The following PDE4DIP variants were observed in gnomAD, a reference collection of about 807,000 sequenced individuals.
The protein encoded by PDE4DIP is phosphodiesterase 4D interacting protein.
A neutral mutation model predicts 221.4 loss-of-function variants in PDE4DIP; 59 were observed. That is an observed-to-expected ratio of 0.27 (90% CI 0.22 to 0.33). The LOEUF (loss-of-function observed/expected upper bound fraction) is 0.33, where lower values mean the gene tolerates loss of function less well. Among genes scored for constraint, PDE4DIP ranks in the 10% least tolerant of loss-of-function variants. The pLI, the probability that PDE4DIP is intolerant of heterozygous loss-of-function variation, is 1.00. For synonymous variants in PDE4DIP, 404 were observed against 815.9 expected, an observed-to-expected ratio of 0.50 and a Z score of 8.60; for missense variants, 1,036 against 2,154.2, an observed-to-expected ratio of 0.48 and a Z score of 10.28.
intron 5 of PDE4DIP, among the ~76,000 whole-genome samples, chr1:148,959,691 T>G (rs1258516690): frequency 6.6e-6 from 1 of 152,184 alleles, no homozygotes; most frequent in Non-Finnish European, 1.5e-5. Flanking sequence ...GTTCCATATA[T>G]AAATTGTCCC....
At chr1:149,007,003 G>A (rs1189332325) in intron 27 of PDE4DIP, among the ~76,000 whole-genome samples, 198 bp from the exon 31 acceptor site, 61 of 146,088 alleles carry the variant, frequency 4.2e-4, no homozygotes, top group African/African-American at 1.4e-3. Flanking sequence ...CGCCCGGCCC[G>A]TACTAAGTTT....
intron 1 of PDE4DIP, among the ~76,000 whole-genome samples, chr1:148,927,598 C>A (rs3903871): frequency 2.6e-5 from 4 of 151,102 alleles, no homozygotes; most frequent in Admixed American, 2.6e-4. Context: ...TATTATATGG[C>A]GATAGTAAAG....
chr1:148,968,121 T>G (rs1553520678), intron 13 of PDE4DIP, among the ~76,000 whole-genome samples: 1 of 147,620 alleles, frequency 6.8e-6, no homozygotes, highest in Non-Finnish European at 1.5e-5. Context: ...TGAGAATTAA[T>G]GAGACCCAAA....
At chr1:148,963,855 G>A (rs1222009470) in intron 9 of PDE4DIP, among the ~76,000 whole-genome samples, 1 of 132,002 alleles carries the variant, frequency 7.6e-6, no homozygotes, top group African/African-American at 2.9e-5. Flanking sequence ...TCGGGTTCAC[G>A]CCATTCTCCT....
chr1:148,820,555 CAAAAAAAAAAAA>C (rs148261220), intron 1 of PDE4DIP, among the ~76,000 whole-genome samples: 724 of 39,124 alleles, frequency 0.019, 1 homozygote, highest in African/African-American at 0.064. Flanking sequence ...AACTCCATCT[CAAAAAAAAAAAA>C]AAAAAAAAAA....
chr1:148,866,563 A>G (rs79160977), intron 2 of PDE4DIP: 1 of 21,896 alleles, frequency 4.6e-5, no homozygotes, highest in African/African-American at 2.3e-4. Context: ...GAGGGAGGGA[A>G]GGAAGGAAGG....
intron 1 of PDE4DIP, among the ~76,000 whole-genome samples, chr1:148,862,132 C>G (rs1402701829): frequency 6.9e-6 from 1 of 143,914 alleles, no homozygotes; most frequent in African/African-American, 2.6e-5. Context: ...TTGCAATCCC[C>G]TCTACCTCCT....
chr1:148,983,483 G>A (rs587697034), intron 21 of PDE4DIP: 1 of 152,372 alleles, frequency 6.6e-6, no homozygotes, highest in East Asian at 1.9e-4. Context: ...TAACTTTTTC[G>A]GGTCTAGATA....
At chr1:148,824,266 G>C (rs1432728025) in intron 1 of PDE4DIP, among the ~76,000 whole-genome samples, 1 of 148,780 alleles carries the variant, frequency 6.7e-6, no homozygotes, top group East Asian at 1.9e-4. Flanking sequence ...TCCGTTTTCA[G>C]ACTCACGCAC....
chr1:148,969,086 A>G lies in PDE4DIP; in HGVS notation c.1980+56A>G. The G allele has an allele frequency of 2.2e-6, 3 of 1,344,046 alleles. No homozygotes were observed. The South Asian group carries it at 3.7e-5, about 17-fold the overall frequency. 83.3% of individuals were successfully genotyped at this position (1,344,046 alleles called of 1,614,324 possible). On this transcript the variant is annotated intron_variant, in intron 14 of 43. Transcript: ENST00000369354. ...TCATGTAGTGCATTTATAGTCTGCAAATAGGAAGCATTTGCAGACTATAGA... is the reference window on the plus strand; with the variant it reads ...TCATGTAGTGCATTTATAGTCTGCAGATAGGAAGCATTTGCAGACTATAGA...
At chr1:148,885,899 T>C (rs1419608207), upstream of PDE4DIP, among the ~76,000 whole-genome samples, 1 of 110,884 alleles carries the variant, frequency 9.0e-6, no homozygotes, top group African/African-American at 3.3e-5. Flanking sequence ...GTTATTAATA[T>C]ATATACTATA....
intron 37 of PDE4DIP, among the ~76,000 whole-genome samples, chr1:149,023,897 A>C (rs1163118891): frequency 6.6e-6 from 1 of 151,380 alleles, no homozygotes; most frequent in Non-Finnish European, 1.5e-5. Context: ...CACTATATGT[A>C]GGTGTATATA....
intron 42 of PDE4DIP, 124 bp from the exon 46 acceptor site, chr1:149,030,108 G>T: frequency 7.6e-6 from 7 of 915,660 alleles, no homozygotes; most frequent in Non-Finnish European, 1.2e-5. Flanking sequence ...ACAGGGGGTG[G>T]ATAGAAGGAG....
intron 1 of PDE4DIP, among the ~76,000 whole-genome samples, chr1:148,847,825 A>G (rs2590094): frequency 1.7e-4 from 2 of 11,852 alleles, no homozygotes; most frequent in Non-Finnish European, 2.7e-4. Context: ...CCGAGATCGC[A>G]CCACTGCACT....
rs1553638174 is a variant in PDE4DIP, at chr1:149,031,799, G to A, written c.7000-145G>A. On this transcript the variant is annotated intron_variant, in intron 43 of 43. Coordinates refer to ENST00000369354, the Ensembl canonical transcript of PDE4DIP. ...GCACCTGTTGCTCCTCCAGACTGCA[G>A]CGCATGCTCTTAGCTCATCCTCTTA... 18 of 745,178 alleles carry A rather than the reference G, an allele frequency of 2.4e-5. No individual in the cohort carries two copies. The South Asian group carries it at 2.8e-4, about 12-fold the overall frequency. 46.2% of individuals were successfully genotyped at this position (745,178 alleles called of 1,614,324 possible).
chr1:149,032,929 G>A (rs587705837), exon 44 of PDE4DIP: 3 of 200,282 alleles, frequency 1.5e-5, no homozygotes, highest in Non-Finnish European at 3.1e-5. Flanking sequence ...AACATAACTG[G>A]TGGACAGGGT....
At chr1:148,820,807 G>A (rs10910728) in intron 1 of PDE4DIP, among the ~76,000 whole-genome samples, 543 of 143,968 alleles carry the variant, frequency 3.8e-3, no homozygotes, top group Middle Eastern at 7.1e-3. Context: ...TGATAATCTT[G>A]AGACCCACAC....
intron 1 of PDE4DIP, among the ~76,000 whole-genome samples, chr1:148,821,718 A>G (rs1164046619): frequency 6.9e-6 from 1 of 144,628 alleles, no homozygotes; most frequent in African/African-American, 2.7e-5. Context: ...TTCTAAGGAC[A>G]TGGGGAAGCC....
At chr1:148,953,542 A>C in intron 5 of PDE4DIP, 1 of 1,614,178 alleles carries the variant, frequency 6.2e-7, no homozygotes, top group Non-Finnish European at 8.5e-7. Flanking sequence ...CTAGCCCTCC[A>C]CAACAGAAAG....
Sources: allele counts gnomAD v4.1 joint callset (sites outside exome capture counted in the v4.1 genomes callset), GRCh38; gene constraint gnomAD v4.1.1; transcripts MANE v1.5; gene names NCBI Gene and HGNC (gene_info 2026-07-23, HGNC 2026-07-21).